The following PRKCB variants were observed in gnomAD, a reference collection of about 807,000 sequenced individuals.
PRKCB encodes the protein protein kinase C beta.
Under a neutral mutation model 81.5 loss-of-function variants are expected in PRKCB, and 13 were observed. The observed-to-expected ratio is 0.16, with a 90% CI of 0.10 to 0.25. The LOEUF (loss-of-function observed/expected upper bound fraction) is 0.25. Among genes scored for constraint, PRKCB ranks in the 10% least tolerant of loss-of-function variants. The pLI is 1.00. For synonymous variants in PRKCB, 335 were observed against 321.4 expected, an observed-to-expected ratio of 1.04 and a Z score of -0.45; for missense variants, 509 against 875.7, an observed-to-expected ratio of 0.58 and a Z score of 5.29.
At chr16:24,172,215 T>C in intron 10 of PRKCB, 55 bp from the exon 11 acceptor site, 1 of 1,349,332 alleles carries the variant, frequency 7.4e-7, no homozygotes, top group Non-Finnish European at 1.1e-6. Flanking sequence ...CACTGTCCAT[T>C]TGGAGCCCCA....
chr16:24,091,649 C>T (rs922545147), intron 5 of PRKCB, among the ~76,000 whole-genome samples: 2 of 151,642 alleles, frequency 1.3e-5, no homozygotes, highest in South Asian at 2.1e-4. Context: ...CTCACTCTGT[C>T]GCCCAGGCTG....
At chr16:24,106,911 T>C (rs1309822353) in intron 7 of PRKCB, among the ~76,000 whole-genome samples, 2 of 152,206 alleles carry the variant, frequency 1.3e-5, no homozygotes, top group Non-Finnish European at 2.9e-5. Context: ...GACATATGTA[T>C]GTTGCAACGT....
At chr16:23,936,992 C>G (rs1964070129) in intron 2 of PRKCB, among the ~76,000 whole-genome samples, 1 of 152,188 alleles carries the variant, frequency 6.6e-6, no homozygotes, top group Admixed American at 6.5e-5. Flanking sequence ...TAGCAGGCAG[C>G]TCTGCTTCTG....
intron 7 of PRKCB, chr16:24,098,454 A>G (rs895532601): frequency 2.6e-5 from 4 of 152,154 alleles, no homozygotes; most frequent in African/African-American, 9.7e-5. Context: ...AGAATGAAAC[A>G]AAAAAAAGAT....
At chr16:23,948,260 T>C (rs562306903) in intron 2 of PRKCB, among the ~76,000 whole-genome samples, 1 of 152,298 alleles carries the variant, frequency 6.6e-6, no homozygotes, top group East Asian at 1.9e-4. Context: ...AGATGTTTCT[T>C]CTGGCTTTCT....
intron 2 of PRKCB, among the ~76,000 whole-genome samples, chr16:23,944,569 T>C (rs1368317642): frequency 6.6e-6 from 1 of 152,190 alleles, no homozygotes; most frequent in Non-Finnish European, 1.5e-5. Context: ...TCTCACATGA[T>C]CTCATGATCT....
intron 3 of PRKCB, among the ~76,000 whole-genome samples, chr16:23,998,883 C>A (rs1964993975): frequency 6.6e-6 from 1 of 152,166 alleles, no homozygotes. Context: ...TGGCATGAGA[C>A]CCCTCTCTGT....
At chr16:23,845,418 A>G (rs1159119503) in intron 2 of PRKCB, among the ~76,000 whole-genome samples, 1 of 152,050 alleles carries the variant, frequency 6.6e-6, no homozygotes, top group African/African-American at 2.4e-5. Flanking sequence ...AGGTAACTGG[A>G]GAAAGTCTGA....
intron 3 of PRKCB, among the ~76,000 whole-genome samples, chr16:23,990,726 CT>C (rs1454633326): frequency 2.6e-5 from 4 of 151,912 alleles, no homozygotes; most frequent in African/African-American, 9.7e-5. Context: ...TTTTTATTTG[CT>C]TGTAAAGATA....
intron 15 of PRKCB, among the ~76,000 whole-genome samples, chr16:24,186,242 A>T (rs1967702484): frequency 1.3e-5 from 2 of 152,150 alleles, no homozygotes; most frequent in Admixed American, 6.5e-5. Context: ...CTTCTGTGAG[A>T]TCCTAAAGAT....
chr16:23,867,401 C>T (rs948470353), intron 2 of PRKCB, among the ~76,000 whole-genome samples: 4 of 152,192 alleles, frequency 2.6e-5, no homozygotes, highest in African/African-American at 7.2e-5. Context: ...GGATTACAGG[C>T]GTGAGCCGCT....
At chr16:24,122,624 T>C (rs1966813307) in intron 8 of PRKCB, among the ~76,000 whole-genome samples, 1 of 152,116 alleles carries the variant, frequency 6.6e-6, no homozygotes, top group Non-Finnish European at 1.5e-5. Flanking sequence ...CTTGCCTGGC[T>C]AACTTTCTTT....
At chr16:23,991,141 G>A (rs1287460926) in intron 3 of PRKCB, among the ~76,000 whole-genome samples, 1 of 152,160 alleles carries the variant, frequency 6.6e-6, no homozygotes. Context: ...CTGGTCTTCT[G>A]CAAATGGTCA....
chr16:24,118,326 C>T (rs1966758760), intron 8 of PRKCB, among the ~76,000 whole-genome samples: 1 of 152,246 alleles, frequency 6.6e-6, no homozygotes, highest in African/African-American at 2.4e-5. Context: ...TCATACATAT[C>T]CAGATGTTAG....
intron 2 of PRKCB, among the ~76,000 whole-genome samples, chr16:23,967,709 A>G (rs1274333074): frequency 6.6e-6 from 1 of 151,492 alleles, no homozygotes; most frequent in African/African-American, 2.4e-5. Flanking sequence ...CTGGAGTGCA[A>G]TGGCACAACC....
At chr16:23,942,610 G>T (rs913468338) in intron 2 of PRKCB, among the ~76,000 whole-genome samples, 2 of 152,202 alleles carry the variant, frequency 1.3e-5, no homozygotes, top group East Asian at 1.9e-4. Flanking sequence ...TTGAGCCTTT[G>T]TTGCCTTGCC....
In PRKCB at chr16:24,215,470, T is replaced by A. The variant is rs968237756; in HGVS notation, c.*654T>A. ...GCTACCTCAGTGTTGTAGTTTCTGA[T>A]ACTTTATGTCTTTGCTCACCCTCAT... On this transcript the variant is annotated 3_prime_UTR_variant, in exon 17 of 17. Coordinates refer to ENST00000643927, the MANE Select transcript of PRKCB (RefSeq NM_002738.7). 1 of 985,754 alleles carries A rather than the reference T, an allele frequency of 1.0e-6. No individual in the cohort carries two copies. Among genetic ancestry groups the A allele is most frequent in the African/African-American group, 1.7e-5 (1 of 57,238 alleles). 61.1% of individuals were successfully genotyped at this position (985,754 alleles called of 1,614,324 possible).
chr16:24,066,511 C>T (rs906426658), intron 5 of PRKCB, among the ~76,000 whole-genome samples: 1 of 152,188 alleles, frequency 6.6e-6, no homozygotes, highest in Non-Finnish European at 1.5e-5. Flanking sequence ...ATACCTTTCA[C>T]TCAGTTTTCC....
At chr16:24,141,853 G>A (rs1006216663) in intron 9 of PRKCB, among the ~76,000 whole-genome samples, 13 of 152,306 alleles carry the variant, frequency 8.5e-5, no homozygotes, top group African/African-American at 3.1e-4. Context: ...GGATCTCCCA[G>A]GACATAGATT....
Sources: gnomAD v4.1 joint callset for allele counts (sites outside exome capture counted in the v4.1 genomes callset) on GRCh38, gnomAD v4.1.1 for gene constraint, MANE v1.5 for transcripts, NCBI Gene and HGNC (gene_info 2026-07-23, HGNC 2026-07-21) for gene names.